IQANK1: variants seen among roughly 807,000 people sequenced by gnomAD.
IQANK1 encodes IQ motif and ankyrin repeat containing 1, also known as IQ motif and ankyrin repeat domain-containing protein 1.
A neutral mutation model predicts 22.6 loss-of-function variants in IQANK1; 30 were observed. That is an observed-to-expected ratio of 1.33 (90% CI 0.99 to 1.80). The LOEUF (loss-of-function observed/expected upper bound fraction) is 1.80, where lower values mean the gene tolerates loss of function less well. Ranked by LOEUF, IQANK1 falls within the 40% of genes most tolerant of loss-of-function variation. The probability of loss-of-function intolerance (pLI) is 0.00; values close to 1 mark genes in which losing one functional copy is unlikely to be tolerated. For missense variants in IQANK1, 275 were observed against 235.2 expected, an observed-to-expected ratio of 1.17 and a Z score of -1.11; for synonymous variants, 122 against 99.6, an observed-to-expected ratio of 1.23 and a Z score of -1.34.
At chr8:143,739,626 G>A (rs571116230) in intron 2 of IQANK1, 4 of 419,472 alleles carry the variant, frequency 9.5e-6, no homozygotes, top group Admixed American at 4.4e-5. Context: ...GCCTTCCTGC[G>A]GGCTGGCTCT....
At chr8:143,768,032 G>A (rs958790282) in intron 3 of IQANK1, among the ~76,000 whole-genome samples, 8 of 150,468 alleles carry the variant, frequency 5.3e-5, no homozygotes, top group East Asian at 2.0e-4. Context: ...TACAGGCGCC[G>A]CCACCACACC....
chr8:143,741,398 G>T (rs1290002229), intron 3 of IQANK1, among the ~76,000 whole-genome samples: 1 of 152,148 alleles, frequency 6.6e-6, no homozygotes, highest in Non-Finnish European at 1.5e-5. Context: ...CCTGTACCTG[G>T]AGAAGGTGAC....
chr8:143,769,155 G>A (rs1327914532), intron 3 of IQANK1, among the ~76,000 whole-genome samples: 2 of 151,832 alleles, frequency 1.3e-5, no homozygotes, highest in Admixed American at 1.3e-4. Flanking sequence ...ATTGACCTGG[G>A]CTCAAGCCAT....
chr8:143,742,711 C>G (rs1197241174), intron 3 of IQANK1: 1 of 455,902 alleles, frequency 2.2e-6, no homozygotes, highest in African/African-American at 2.0e-5. Flanking sequence ...AAAGGGGGGC[C>G]TGCCAGAGGA....
chr8:143,761,648 G>T (rs1366962012), intron 3 of IQANK1, among the ~76,000 whole-genome samples: 1 of 152,266 alleles, frequency 6.6e-6, no homozygotes, highest in African/African-American at 2.4e-5. Context: ...TGTAGTGCCA[G>T]CTACTCCGGA....
chr8:143,778,394 T>C (rs1162950850), intron 7 of IQANK1, among the ~76,000 whole-genome samples: 2 of 152,198 alleles, frequency 1.3e-5, no homozygotes, highest in African/African-American at 4.8e-5. Context: ...GAAAAAAGTA[T>C]GTTACTAAGG....
At chr8:143,783,900 G>A (rs1203766627) in intron 7 of IQANK1, among the ~76,000 whole-genome samples, 1 of 152,184 alleles carries the variant, frequency 6.6e-6, no homozygotes, top group African/African-American at 2.4e-5. Context: ...TTATAGCTCT[G>A]TTCTGGGATC....
intron 3 of IQANK1, among the ~76,000 whole-genome samples, chr8:143,747,168 C>G (rs371429445): frequency 1.6e-3 from 246 of 152,336 alleles, no homozygotes; most frequent in African/African-American, 3.7e-3. Flanking sequence ...AGTGAGCCAC[C>G]GCGCCCGGCC....
At chr8:143,773,307 A>AC (rs1563777375) in intron 7 of IQANK1, among the ~76,000 whole-genome samples, 12 of 143,230 alleles carry the variant, frequency 8.4e-5, no homozygotes, top group African/African-American at 2.3e-4. Context: ...ACTCAAAAAA[A>AC]AAAAAAAAAC....
At chr8:143,745,948 T>A (rs1554627163) in intron 3 of IQANK1, 1 of 149,672 alleles carries the variant, frequency 6.7e-6, no homozygotes, top group Admixed American at 6.7e-5. Context: ...GGGGTCTCAC[T>A]ATGTTGCCCA....
chr8:143,782,153 A>G (rs574425874), intron 7 of IQANK1, among the ~76,000 whole-genome samples: 1 of 152,252 alleles, frequency 6.6e-6, no homozygotes, highest in East Asian at 1.9e-4. Flanking sequence ...TGATTTTTGT[A>G]CATTTATTTT....
chr8:143,767,693 T>C (rs1026259843), intron 3 of IQANK1, among the ~76,000 whole-genome samples: 4 of 151,748 alleles, frequency 2.6e-5, no homozygotes, highest in Admixed American at 6.6e-5. Flanking sequence ...ACTGTTCCTA[T>C]AGTCATGACT....
intron 7 of IQANK1, among the ~76,000 whole-genome samples, chr8:143,784,954 T>C (rs1554631197): frequency 6.6e-6 from 1 of 152,230 alleles, no homozygotes; most frequent in East Asian, 1.9e-4. Flanking sequence ...CTGGATATTT[T>C]CTTGTGACAT....
rs1819650924 is a variant in IQANK1 at position 143,774,631 on chromosome 8, C to T, written c.789+2149C>T. ...AAAAGTGAACACATTTACCATGTAA[C>T]ACAGCATCAGACTCCTAGACATTTG... On this transcript the variant is annotated intron_variant, in intron 7 of 13. Transcript: ENST00000527139. The surrounding 1 kb of genome is among the most constrained non-coding windows in gnomAD (Gnocchi z 4.2). Among the ~76,000 whole-genome samples the T allele has an allele frequency of 6.6e-6, 1 of 152,186 alleles. No homozygotes were observed. Among genetic ancestry groups the T allele is most frequent in the African/African-American group, 2.4e-5 (1 of 41,432 alleles).
At chr8:143,752,097 C>G (rs1425028305) in intron 3 of IQANK1, among the ~76,000 whole-genome samples, 1 of 152,116 alleles carries the variant, frequency 6.6e-6, no homozygotes, top group Non-Finnish European at 1.5e-5. Context: ...TCCCGAGTAG[C>G]TGGGATTATA....
intron 2 of IQANK1, among the ~76,000 whole-genome samples, chr8:143,736,897 C>T (rs60081809): frequency 0.03 from 4,592 of 152,042 alleles, 229 homozygotes; most frequent in African/African-American, 0.11. Flanking sequence ...TGGGGTCCTT[C>T]AGCACCCAGG....
At chr8:143,789,680 T>G (rs1819981525) in intron 10 of IQANK1, 81 bp from the exon 11 acceptor site, 1 of 1,210,258 alleles carries the variant, frequency 8.3e-7, no homozygotes, top group African/African-American at 1.6e-5. Context: ...TGGGGTGGGG[T>G]GGGGAGGAAG....
chr8:143,771,635 G>T lies in IQANK1; in HGVS notation c.306+17G>T, dbSNP rs1388316530. Reference sequence around the variant, plus strand: ...CAGAAGGAGGTGAGGACGGGCAGCCGCAACAGCCGGGGGCCAGGCAGGAGG... The same window carrying T: ...CAGAAGGAGGTGAGGACGGGCAGCCTCAACAGCCGGGGGCCAGGCAGGAGG... On this transcript the variant is annotated intron_variant, in intron 4 of 13. Transcript: ENST00000527139. The surrounding 1 kb of genome is among the most constrained non-coding windows in gnomAD (Gnocchi z 6.0). 1.0e-5 allele frequency: 4 copies of T among 399,172 alleles called. No homozygotes were observed. Among genetic ancestry groups the T allele is most frequent in the Non-Finnish European group, 1.8e-5 (4 of 226,724 alleles). 24.7% of individuals were successfully genotyped at this position (399,172 alleles called of 1,614,324 possible).
At chr8:143,757,402 G>T (rs1299635291) in intron 3 of IQANK1, among the ~76,000 whole-genome samples, 4 of 151,314 alleles carry the variant, frequency 2.6e-5, no homozygotes, top group Admixed American at 1.3e-4. Context: ...AGTGGTGCGA[G>T]CTTGGCTCAC....
Sources: gnomAD v4.1 joint callset for allele counts (sites outside exome capture counted in the v4.1 genomes callset) on GRCh38, gnomAD v4.1.1 for gene constraint, Gnocchi (gnomAD v3.1) non-coding constraint, MANE v1.5 for transcripts, NCBI Gene and HGNC (gene_info 2026-07-23, HGNC 2026-07-21) for gene names.